NRG1: variants seen among roughly 807,000 people sequenced by gnomAD.
NRG1 encodes the protein neuregulin 1.
NRG1 carries 18 observed loss-of-function variants against 63.8 expected under a neutral mutation model. The ratio of observed to expected loss-of-function variants is 0.28; its 90% CI spans 0.19 to 0.42. The LOEUF (loss-of-function observed/expected upper bound fraction) is 0.42. NRG1 is among the 10% of genes least tolerant of loss of function. NRG1 has a pLI of 1.00. For missense variants in NRG1, 762 were observed against 814.7 expected (o/e 0.94, Z 0.79); for synonymous variants, 302 against 301.3 (o/e 1.00, Z -0.02).
chr8:32,053,680 T>C (rs1822368248), intron 1 of NRG1, among the ~76,000 whole-genome samples: 2 of 152,160 alleles, frequency 1.3e-5, no homozygotes, highest in Admixed American at 1.3e-4. Flanking sequence ...TGCAAAGGGC[T>C]TTTTACTGCA....
chr8:32,264,378 A>T (rs532332923), intron 1 of NRG1, among the ~76,000 whole-genome samples: 1 of 152,298 alleles, frequency 6.6e-6, no homozygotes, highest in East Asian at 1.9e-4. Context: ...GAAAGAAAAC[A>T]TTAAAGACAG....
chr8:32,391,388 G>A (rs1180602767), intron 1 of NRG1, among the ~76,000 whole-genome samples: 1 of 152,048 alleles, frequency 6.6e-6, no homozygotes, highest in East Asian at 1.9e-4. Context: ...TAGGTTCAGT[G>A]ATACAAGTGC....
At chr8:32,727,980 T>C (rs115604365) in exon 6 of NRG1, 11 of 1,614,112 alleles carry the variant, frequency 6.8e-6, no homozygotes, top group Non-Finnish European at 9.3e-6. Flanking sequence ...GGACAAGCCA[T>C]CTTGTAAAAT....
At chr8:32,124,175 T>C (rs1833812960) in intron 1 of NRG1, among the ~76,000 whole-genome samples, 2 of 151,980 alleles carry the variant, frequency 1.3e-5, no homozygotes, top group African/African-American at 4.8e-5. Context: ...ACTTCAAAGC[T>C]CTTCCATTTT....
intron 1 of NRG1, among the ~76,000 whole-genome samples, chr8:31,669,394 T>C (rs867120546): frequency 1.3e-5 from 2 of 152,044 alleles, no homozygotes; most frequent in African/African-American, 2.4e-5. Context: ...TGTGCCACCA[T>C]GCCCGGCTAA....
At chr8:32,754,256 G>A in intron 7 of NRG1, 116 bp from the exon 8 acceptor site, 1 of 806,596 alleles carries the variant, frequency 1.2e-6, no homozygotes, top group Non-Finnish European at 2.1e-6. Flanking sequence ...GAATTGTCAT[G>A]TATTTATTTT....
At chr8:32,166,184 C>G (rs753475815) in intron 1 of NRG1, among the ~76,000 whole-genome samples, 9 of 151,994 alleles carry the variant, frequency 5.9e-5, no homozygotes, top group Non-Finnish European at 1.0e-4. Context: ...TTTGCTATAC[C>G]CTTGTGCTAC....
intron 1 of NRG1, among the ~76,000 whole-genome samples, chr8:31,852,970 A>G (rs1827415708): frequency 6.6e-6 from 1 of 151,846 alleles, no homozygotes; most frequent in Non-Finnish European, 1.5e-5. Flanking sequence ...ATTGATCTAT[A>G]TCTCTGTTTT....
At chr8:31,838,938 G>C (rs1049769352) in intron 1 of NRG1, among the ~76,000 whole-genome samples, 3 of 152,114 alleles carry the variant, frequency 2.0e-5, no homozygotes, top group Admixed American at 6.5e-5. Context: ...AGTTAAACTA[G>C]AGTAGAAATT....
At chr8:32,452,714 A>G (rs1481632716) in intron 1 of NRG1, among the ~76,000 whole-genome samples, 1 of 152,146 alleles carries the variant, frequency 6.6e-6, no homozygotes, top group Non-Finnish European at 1.5e-5. Context: ...TAATGTGTAA[A>G]CTTCTACTGT....
Position 32,281,532 on chromosome 8 carries a change from C to A in NRG1, c.38-314296C>A, listed in dbSNP as rs985193171. On this transcript the variant is annotated intron_variant, in intron 1 of 10. Coordinates refer to the NRG1 transcript ENST00000519301. Reference sequence around the variant, plus strand: ...ACCTCCAACCTCAAGTAGCCTCCCCCCAACAGTGTCTATTGTTCCCTTCTT... The same window carrying A: ...ACCTCCAACCTCAAGTAGCCTCCCCACAACAGTGTCTATTGTTCCCTTCTT... Among the ~76,000 whole-genome samples the A allele has an allele frequency of 3.3e-5, 5 of 152,066 alleles. No homozygotes were observed. In the South Asian group the frequency reaches 6.2e-4, roughly 19 times the overall value.
rs527708436 is a variant in NRG1 at position 32,433,137 on chromosome 8, G to A, written c.38-162691G>A. On this transcript the variant is annotated intron_variant, in intron 1 of 10. Coordinates refer to the NRG1 transcript ENST00000519301. ...TGCTGGGTGGTAAAAATTCCAGTGG[G>A]CTGGGTAGGACATACTGGGGCCCTG... Among the ~76,000 whole-genome samples the A allele has an allele frequency of 2.6e-5, 4 of 152,246 alleles. No individual in the cohort carries two copies. The South Asian group carries it at 6.2e-4, about 24-fold the overall frequency.
intron 1 of NRG1, among the ~76,000 whole-genome samples, chr8:31,655,060 G>A (rs574665891): frequency 6.6e-6 from 1 of 152,010 alleles, no homozygotes; most frequent in Non-Finnish European, 1.5e-5. Flanking sequence ...AATTATTATA[G>A]TTGCCATTCT....
At chr8:32,652,108 T>A (rs921459836) in intron 5 of NRG1, among the ~76,000 whole-genome samples, 4 of 152,186 alleles carry the variant, frequency 2.6e-5, no homozygotes, top group Admixed American at 2.6e-4. Flanking sequence ...ACTCTCTCTC[T>A]CTACTGTTTT....
At chr8:31,988,594 G>A (rs1810490129) in intron 1 of NRG1, among the ~76,000 whole-genome samples, 1 of 152,058 alleles carries the variant, frequency 6.6e-6, no homozygotes. Flanking sequence ...GAGACCACAA[G>A]GTGGGAAGGG....
At chr8:31,653,500 G>C (rs1454611037) in intron 1 of NRG1, among the ~76,000 whole-genome samples, 2 of 152,156 alleles carry the variant, frequency 1.3e-5, no homozygotes, top group Non-Finnish European at 2.9e-5. Context: ...CTCACCTCCA[G>C]ACCAAATTGG....
At chr8:32,353,257 A>G (rs1157350403) in intron 1 of NRG1, among the ~76,000 whole-genome samples, 1 of 150,648 alleles carries the variant, frequency 6.6e-6, no homozygotes, top group Non-Finnish European at 1.5e-5. Context: ...TTATGATACA[A>G]TTATATTAAT....
intron 1 of NRG1, among the ~76,000 whole-genome samples, chr8:32,176,561 T>A (rs912107205): frequency 1.3e-5 from 2 of 151,900 alleles, no homozygotes; most frequent in Non-Finnish European, 2.9e-5. Flanking sequence ...TGGGAGAAAA[T>A]TTTTGCAATC....
chr8:32,729,985 G>C (rs1472621412), intron 6 of NRG1, among the ~76,000 whole-genome samples: 2 of 150,768 alleles, frequency 1.3e-5, no homozygotes, highest in Non-Finnish European at 2.9e-5. Flanking sequence ...TTTTATCAAA[G>C]ACAGACAATT....
Sources: gnomAD v4.1 joint callset for allele counts (sites outside exome capture counted in the v4.1 genomes callset) on GRCh38, gnomAD v4.1.1 for gene constraint, MANE v1.5 for transcripts, NCBI Gene and HGNC (gene_info 2026-07-23, HGNC 2026-07-21) for gene names.